LRP1B: variants seen among roughly 807,000 people sequenced by gnomAD.
LRP1B encodes the protein low-density lipoprotein receptor-related protein 1B.
In LRP1B, 217 loss-of-function variants were observed where a neutral mutation model predicts 556.6. The observed-to-expected ratio is 0.39, with a 90% CI of 0.35 to 0.44. LRP1B has a LOEUF of 0.44. LRP1B is among the 20% of genes least tolerant of loss of function. The pLI is 1.00. For synonymous variants in LRP1B, 2,047 were observed against 1,865.8 expected, an observed-to-expected ratio of 1.10 and a Z score of -2.50; for missense variants, 5,053 against 5,620.8, an observed-to-expected ratio of 0.90 and a Z score of 3.23.
intron 7 of LRP1B, among the ~76,000 whole-genome samples, chr2:141,110,101 T>TA (rs1700710482): frequency 7.2e-6 from 1 of 137,936 alleles, no homozygotes; most frequent in Non-Finnish European, 1.6e-5. Context: ...CAGCTAAAAC[T>TA]TAAAAAAAAC....
intron 2 of LRP1B, among the ~76,000 whole-genome samples, chr2:141,570,782 G>C (rs950443220): frequency 1.3e-5 from 2 of 151,390 alleles, no homozygotes; most frequent in Admixed American, 6.6e-5. Flanking sequence ...ACCAGCTGTG[G>C]TAATCTGCAG....
rs1680120829 is a variant in LRP1B at position 140,541,165 on chromosome 2, A to G, written c.7388-67T>C. Reference sequence around the variant, plus strand: ...TCCTGTTCTATGTTAGATAAATATTAATCGTAAACTATTAGACTGCCTCAA... The same window carrying G: ...TCCTGTTCTATGTTAGATAAATATTGATCGTAAACTATTAGACTGCCTCAA... On this transcript the variant is annotated intron_variant, in intron 44 of 90. Transcript: ENST00000389484. 2.1e-5 allele frequency: 28 copies of G among 1,319,418 alleles called. 1 individual carries two copies. The South Asian group carries it at 3.6e-4, about 17-fold the overall frequency. 81.7% of individuals were successfully genotyped at this position (1,319,418 alleles called of 1,614,324 possible).
At chr2:141,645,061 A>G (rs967825256) in intron 2 of LRP1B, among the ~76,000 whole-genome samples, 1 of 152,090 alleles carries the variant, frequency 6.6e-6, no homozygotes, top group Admixed American at 6.6e-5. Context: ...TTTTCTAATA[A>G]ATATGTGGTC....
chr2:140,933,760 A>G (rs1470931399), intron 20 of LRP1B, among the ~76,000 whole-genome samples: 4 of 152,070 alleles, frequency 2.6e-5, no homozygotes, highest in East Asian at 3.9e-4. Context: ...CTTTCCTTCT[A>G]TTCTTATGAA....
chr2:140,911,319 G>A (rs1694411398), intron 21 of LRP1B, among the ~76,000 whole-genome samples: 1 of 151,702 alleles, frequency 6.6e-6, no homozygotes, highest in South Asian at 2.1e-4. Flanking sequence ...GTTCAAATTG[G>A]TTGCCTCTGG....
At chr2:141,521,392 T>A (rs954946252) in intron 2 of LRP1B, among the ~76,000 whole-genome samples, 3 of 152,098 alleles carry the variant, frequency 2.0e-5, no homozygotes, top group African/African-American at 2.4e-5. Flanking sequence ...TCTTCCTCCC[T>A]CTTTTCCTTC....
At chr2:140,829,197 A>C (rs1014364733) in intron 31 of LRP1B, among the ~76,000 whole-genome samples, 1 of 152,166 alleles carries the variant, frequency 6.6e-6, no homozygotes, top group Admixed American at 6.5e-5. Context: ...GGAATTTAAC[A>C]CCTCACTCTC....
At chr2:141,178,594 A>G (rs1274131686) in intron 7 of LRP1B, among the ~76,000 whole-genome samples, 4 of 152,080 alleles carry the variant, frequency 2.6e-5, no homozygotes, top group Non-Finnish European at 5.9e-5. Context: ...ATATTTAAAT[A>G]TTTGGTAGCC....
chr2:140,775,259 T>G (rs1331279375), intron 33 of LRP1B, among the ~76,000 whole-genome samples: 1 of 151,962 alleles, frequency 6.6e-6, no homozygotes, highest in South Asian at 2.1e-4. Flanking sequence ...TCATTACCTA[T>G]CTGCAGAAAT....
intron 67 of LRP1B, among the ~76,000 whole-genome samples, chr2:140,378,966 T>C (rs944480163): frequency 6.6e-6 from 1 of 152,224 alleles, no homozygotes; most frequent in Non-Finnish European, 1.5e-5. Context: ...ATAGTCCACA[T>C]AGGGCATAAG....
intron 82 of LRP1B, among the ~76,000 whole-genome samples, chr2:140,317,698 G>A (rs1684586317): frequency 6.6e-6 from 1 of 152,152 alleles, no homozygotes; most frequent in African/African-American, 2.4e-5. Context: ...GATGTGGACA[G>A]TGAAGATAAG....
At chr2:140,325,490 TAGCCACGGA>T (rs1680424603) in intron 80 of LRP1B, among the ~76,000 whole-genome samples, 1 of 152,118 alleles carries the variant, frequency 6.6e-6, no homozygotes, top group African/African-American at 2.4e-5. Flanking sequence ...CAGAATGGAA[TAGCCACGGA>T]AGCCACAGAA....
chr2:140,484,845 T>A (rs1213177329), intron 59 of LRP1B, among the ~76,000 whole-genome samples: 3 of 152,142 alleles, frequency 2.0e-5, no homozygotes, highest in Non-Finnish European at 4.4e-5. Context: ...CACCACAAAC[T>A]CTTCCCAATA....
At chr2:141,315,869 T>C (rs1453571157) in intron 3 of LRP1B, among the ~76,000 whole-genome samples, 2 of 141,178 alleles carry the variant, frequency 1.4e-5, no homozygotes, top group East Asian at 2.3e-4. Context: ...AAATCCTCTA[T>C]CTTTAGTCTG....
chr2:140,823,925 A>T (rs1349601581), intron 31 of LRP1B, among the ~76,000 whole-genome samples: 1 of 151,980 alleles, frequency 6.6e-6, no homozygotes, highest in Non-Finnish European at 1.5e-5. Flanking sequence ...CAGACACTGG[A>T]TTCTACTTGA....
intron 2 of LRP1B, among the ~76,000 whole-genome samples, chr2:141,574,085 A>C (rs765812652): frequency 6.6e-6 from 1 of 152,186 alleles, no homozygotes; most frequent in Non-Finnish European, 1.5e-5. Flanking sequence ...CTCCTCCCTA[A>C]CTCATTTTAT....
chr2:141,336,519 T>A (rs1478211503), intron 3 of LRP1B, among the ~76,000 whole-genome samples: 2 of 152,228 alleles, frequency 1.3e-5, no homozygotes, highest in Non-Finnish European at 2.9e-5. Flanking sequence ...TTGTTAATTT[T>A]GCTTACAATT....
At position 140,530,819 on chromosome 2, in the gene LRP1B, G is replaced by C. The variant is rs75903602; in HGVS notation, c.7762+3202C>G. On this transcript the variant is annotated intron_variant, in intron 47 of 90. Transcript: ENST00000389484. ...AATTTTACCATAAAAGAAAGGTTAA[G>C]GGAGAAGCTTCATTTGCAAAGGCAC... Among the ~76,000 whole-genome samples the C allele has an allele frequency of 3.7e-3, 558 of 152,216 alleles. 7 individuals are homozygous for C. The highest frequency in any genetic ancestry group is 0.034 in the East Asian group (177 of 5,174).
chr2:141,391,237 G>A (rs545809703), intron 3 of LRP1B, among the ~76,000 whole-genome samples: 22 of 152,204 alleles, frequency 1.4e-4, no homozygotes, highest in Middle Eastern at 3.4e-3. Context: ...GACTGTCTTG[G>A]TCACCATAGC....
Sources: gnomAD v4.1 joint callset for allele counts (sites outside exome capture counted in the v4.1 genomes callset) on GRCh38, gnomAD v4.1.1 for gene constraint, MANE v1.5 for transcripts, NCBI Gene and HGNC (gene_info 2026-07-23, HGNC 2026-07-21) for gene names.